The following AP4B1 variants were observed in gnomAD, a reference collection of about 807,000 sequenced individuals.
AP4B1 encodes the protein AP-4 complex subunit beta-1.
Under a neutral mutation model 76.5 loss-of-function variants are expected in AP4B1, and 49 were observed. The observed-to-expected ratio is 0.64, with a 90% CI of 0.51 to 0.81. The LOEUF (loss-of-function observed/expected upper bound fraction) is 0.81, where lower values mean the gene tolerates loss of function less well. Among genes scored for constraint, AP4B1 ranks in the 40% least tolerant of loss-of-function variants. AP4B1 has a pLI of 0.00. For missense variants in AP4B1, 911 were observed against 904.9 expected, an observed-to-expected ratio of 1.01 and a Z score of -0.09; for synonymous variants, 330 against 333.3, an observed-to-expected ratio of 0.99 and a Z score of 0.11.
chr1:113,902,807 T>C lies in AP4B1; in HGVS notation c.169A>G (p.Ser57Gly). 1 of 1,614,252 alleles carries C rather than the reference T, an allele frequency of 6.2e-7. No homozygotes were observed. The highest frequency in any genetic ancestry group is 8.5e-7 in the Non-Finnish European group (1 of 1,180,044). The change falls in exon 2 of 10, where the codon AGT becomes GGT. Residue 57 changes from serine (S) to glycine (G), a missense_variant. Physicochemically the swap from Ser to Gly is moderately conservative, Grantham distance 56 (BLOSUM62 0). Coordinates refer to ENST00000369569, the MANE Select transcript of AP4B1 (RefSeq NM_001253852.3). ...SGVFMEMVKA[S>G]ATVDIVQKKL... is the part of the protein sequence containing the mutation. Reference sequence around the variant, plus strand: ...TTCTGGACAATATCTACAGTGGCACTGGCCTTCACCATTTCCATAAAAACA... The same window carrying C: ...TTCTGGACAATATCTACAGTGGCACCGGCCTTCACCATTTCCATAAAAACA...
Position 113,900,205 on chromosome 1 carries a change from AGTTTGTACGTG to A in AP4B1, c.802_812del (p.His268Ter). On this transcript the variant is annotated frameshift_variant, in exon 5 of 10. Transcript: ENST00000369569. LOFTEE classifies it high-confidence loss of function. The stretch of plus-strand genomic sequence containing the variant: ...GTCCCTTGACCCGCACAAGGACATC[AGTTTGTACGTG>A]GGGAAACATTTTTGCCAAGATCAGA... 6.2e-7 allele frequency: 1 copy of A among 1,612,800 alleles called. No individual in the cohort carries two copies. Among genetic ancestry groups the A allele is most frequent in the Non-Finnish European group, 8.5e-7 (1 of 1,178,892 alleles).
In AP4B1 at chr1:113,895,501, G is replaced by T. The variant is rs17031980; in HGVS notation, c.1793-9C>A. 1.2e-6 allele frequency: 2 copies of T among 1,613,976 alleles called. No individual in the cohort carries two copies. The highest frequency in any genetic ancestry group is 2.7e-5 in the African/African-American group (2 of 74,920). ...TTCAGGAATCAAGGGTCCTAAAAGA[G>T]ACAGAAAACTTGTGTGAAAGATGTT... On this transcript the variant is annotated splice_polypyrimidine_tract_variant and intron_variant, in intron 9 of 9. Coordinates refer to ENST00000369569, the MANE Select transcript of AP4B1 (RefSeq NM_001253852.3).
At chr1:113,896,110 T>C in intron 8 of AP4B1, 72 bp from the exon 9 acceptor site, 2 of 1,608,120 alleles carry the variant, frequency 1.2e-6, no homozygotes, top group Non-Finnish European at 1.7e-6. Flanking sequence ...CCAACCATAA[T>C]AGGAGAAAAA....
At chr1:113,899,174 A>G in intron 5 of AP4B1, 1 of 1,066,242 alleles carries the variant, frequency 9.4e-7, no homozygotes, top group Non-Finnish European at 1.1e-6. Context: ...TCTCCTAAGG[A>G]TTTCTTGTCT....
At chr1:113,900,440 A>C (rs1209531527) in intron 4 of AP4B1, 40 bp from the exon 5 acceptor site, 1 of 1,610,538 alleles carries the variant, frequency 6.2e-7, no homozygotes, top group African/African-American at 1.3e-5. Context: ...TTTAGCAACA[A>C]AATTAGGACC....
In AP4B1 at chr1:113,897,898, C is replaced by T. The variant is rs200590674; in HGVS notation, c.1244G>A (p.Cys415Tyr). ...CAGGGCCTGACATACAGCTTCAGTA[C>T]ACTGAGGACACAACCAAACCAGGTC... is the stretch of plus-strand genomic sequence containing the variant. ...FRDLVWLCPQ[C>Y]TEAVCQALPG... The change falls in exon 7 of 10, where the codon TGT becomes TAT. Residue 415 changes from cysteine to tyrosine, a missense_variant. Transcript: ENST00000369569. 3.2e-4 allele frequency: 520 copies of T among 1,614,144 alleles called. No homozygotes were observed. The highest frequency in any genetic ancestry group is 4.1e-4 in the Non-Finnish European group (487 of 1,180,028).
At chr1:113,904,050 A>AGG (rs1186288086) in intron 1 of AP4B1, among the ~76,000 whole-genome samples, 3 of 152,228 alleles carry the variant, frequency 2.0e-5, no homozygotes, top group Non-Finnish European at 4.4e-5. Flanking sequence ...AGCTGCTGCA[A>AGG]TTGCTTTATT....
chr1:113,896,368 T>C lies in AP4B1; in HGVS notation c.1400A>G (p.Glu467Gly), dbSNP rs771056149. 12 of 1,614,242 alleles carry C rather than the reference T, an allele frequency of 7.4e-6. No individual in the cohort carries two copies. The highest frequency in any genetic ancestry group is 1.0e-5 in the Non-Finnish European group (12 of 1,180,038). The change falls in exon 8 of 10, where the codon GAA (glutamate) becomes GGA (glycine). Residue 467 changes from glutamate to glycine, a missense_variant. Transcript: ENST00000369569. ...LEDFVENVKS[E>G]TFPAVKMELL... ...CTCCATCTTAACAGCTGGAAATGTT[T>C]CCGACTTCACATTCTCAACAAAGTC...
chr1:113,902,586 A>G (rs1668414127), intron 2 of AP4B1, 52 bp downstream of exon 2: 18 of 1,556,586 alleles, frequency 1.2e-5, no homozygotes, highest in Non-Finnish European at 1.6e-5. Flanking sequence ...CTACCCTGTG[A>G]TCACTTGAAT....
chr1:113,904,912 G>A, upstream of AP4B1: 1 of 598,744 alleles, frequency 1.7e-6, no homozygotes, highest in Non-Finnish European at 3.1e-6. Context: ...GCGACACCGC[G>A]AGCCCCACCC....
chr1:113,899,203 T>G (rs1205549199), intron 5 of AP4B1: 20 of 1,036,224 alleles, frequency 1.9e-5, no homozygotes, highest in Non-Finnish European at 2.2e-5. Context: ...CTCCCTCTTC[T>G]CTGCCCCTAA....
In AP4B1 at chr1:113,894,808, T is replaced by A; in HGVS notation, c.*257A>T. On this transcript the variant is annotated 3_prime_UTR_variant, in exon 10 of 10. Coordinates refer to ENST00000369569, the MANE Select transcript of AP4B1 (RefSeq NM_001253852.3). ...ATTCCTAAAATTGATTAGGAAATAATCCAAATCCCATCCTCAACGCATCTC... is the reference window on the plus strand; with the variant it reads ...ATTCCTAAAATTGATTAGGAAATAAACCAAATCCCATCCTCAACGCATCTC... 8.9e-6 allele frequency: 4 copies of A among 447,366 alleles called. No homozygotes were observed. Among genetic ancestry groups the A allele is most frequent in the Non-Finnish European group, 1.6e-5 (4 of 246,204 alleles). 27.7% of individuals were successfully genotyped at this position (447,366 alleles called of 1,614,324 possible).
In AP4B1 at chr1:113,901,759, T is replaced by A; in HGVS notation, c.465A>T (p.Glu155Asp). 1 of 1,614,214 alleles carries A rather than the reference T, an allele frequency of 6.2e-7. No homozygotes were observed. Among genetic ancestry groups the A allele is most frequent in the Non-Finnish European group, 8.5e-7 (1 of 1,180,034 alleles). The part of the protein sequence containing the change: ...AKMHNLHGDS[E>D]VDGALVNELY... ...GATGGATTACACTGAACTTACCTAC[T>A]TCAGAGTCTCCATGAAGATTATGCA... Residue 155 changes from glutamate to aspartate, a missense_variant, in exon 3 of 10, where the codon GAA (glutamate) becomes GAT (aspartate). Coordinates refer to ENST00000369569, the MANE Select transcript of AP4B1 (RefSeq NM_001253852.3).
At chr1:113,897,780 A>C in intron 7 of AP4B1, 60 bp downstream of exon 7, 1 of 1,566,516 alleles carries the variant, frequency 6.4e-7, no homozygotes, top group Non-Finnish European at 8.8e-7. Context: ...ATTCCATTTC[A>C]AAGGGCAGGG....
In AP4B1 at chr1:113,895,942, G is replaced by A. The variant is rs771328108; in HGVS notation, c.1607C>T (p.Pro536Leu). The change falls in exon 9 of 10, where the codon CCT (proline) becomes CTT (leucine). Residue 536 changes from proline to leucine, a missense_variant. Transcript: ENST00000369569. ...AAGTCCAAGAGTAGGGTCAGATTTA[G>A]GGCTACACAGAATCCGCTTAACTTC... ...IDEVKRILCS[P>L]KSDPTLGLLE... 6.2e-7 allele frequency: 1 copy of A among 1,614,192 alleles called. No individual in the cohort carries two copies. Among genetic ancestry groups the A allele is most frequent in the South Asian group, 1.1e-5 (1 of 91,082 alleles).
At position 113,904,685 on chromosome 1, in the gene AP4B1, C is replaced by CTTCT; in HGVS notation, c.32_33insAGAA (p.Leu13GlyfsTer14). 6.2e-7 allele frequency: 1 copy of CTTCT among 1,612,746 alleles called. No homozygotes were observed. Among genetic ancestry groups the CTTCT allele is most frequent in the African/African-American group, 1.3e-5 (1 of 75,018 alleles). On this transcript the variant is annotated frameshift_variant, in exon 1 of 10. Coordinates refer to ENST00000369569, the MANE Select transcript of AP4B1 (RefSeq NM_001253852.3). LOFTEE classifies it high-confidence loss of function. The stretch of plus-strand genomic sequence containing the variant: ...GATTGCACAGAGCCTTCTTCAGCTC[C>CTTCT]TTCACCACGTCCTCGGAGCCAAGGT...
chr1:113,897,764 A>T, intron 7 of AP4B1, 76 bp downstream of exon 7: 1 of 1,486,278 alleles, frequency 6.7e-7, no homozygotes, highest in Non-Finnish European at 9.3e-7. Flanking sequence ...TAGAGAGAAT[A>T]ATTAGATTCC....
At chr1:113,903,274 C>A (rs1488020797) in intron 1 of AP4B1, among the ~76,000 whole-genome samples, 1 of 152,234 alleles carries the variant, frequency 6.6e-6, no homozygotes, top group African/African-American at 2.4e-5. Context: ...CCATGTTGGC[C>A]AGGCTGGTCT....
At chr1:113,899,873 T>A in intron 5 of AP4B1, 31 bp downstream of exon 5, 1 of 1,614,066 alleles carries the variant, frequency 6.2e-7, no homozygotes, top group Non-Finnish European at 8.5e-7. Flanking sequence ...CTGGTCTAGG[T>A]TCTCAAGAAG....
Sources: allele counts gnomAD v4.1 joint callset (sites outside exome capture counted in the v4.1 genomes callset), GRCh38; gene constraint gnomAD v4.1.1; transcripts MANE v1.5; gene names NCBI Gene and HGNC (gene_info 2026-07-23, HGNC 2026-07-21).